The following CALML6 variants were observed in gnomAD, a reference collection of about 807,000 sequenced individuals.
CALML6 encodes the protein calmodulin-like protein 6.
Under a neutral mutation model 25.0 loss-of-function variants are expected in CALML6, and 27 were observed. The ratio of observed to expected loss-of-function variants is 1.08; its 90% confidence interval spans 0.80 to 1.49. CALML6 has a LOEUF of 1.49. Among genes scored for constraint, CALML6 ranks in the 40% most tolerant of loss-of-function variants. The probability of loss-of-function intolerance (pLI) is 0.00; values close to 1 mark genes in which losing one functional copy is unlikely to be tolerated. For missense variants in CALML6, 239 were observed against 232.7 expected (o/e 1.03, Z -0.18); for synonymous variants, 97 against 87.2 (o/e 1.11, Z -0.63).
rs767103412 is a variant in CALML6, at chr1:1,917,093, T to TG, written c.499+22dup. The TG allele has an allele frequency of 1.2e-6, 2 of 1,608,910 alleles. No homozygotes were observed. The highest frequency in any genetic ancestry group is 2.7e-5 in the African/African-American group (2 of 74,916). On this transcript the variant is annotated intron_variant, in intron 5 of 5. Coordinates refer to ENST00000307786, the MANE Select transcript of CALML6 (RefSeq NM_138705.4). ...TATGAGGGTGAGTGGCCTGGAGCCC[T>TG]GGGAGCCGTTGGCTGGGCCGGGGCA...
In CALML6 at chr1:1,916,999, C is replaced by A. The variant is rs1351836609; in HGVS notation, c.424C>A (p.Pro142Thr). 3.1e-6 allele frequency: 5 copies of A among 1,609,544 alleles called. 1 individual carries two copies. Among genetic ancestry groups the A allele is most frequent in the Non-Finnish European group, 4.2e-6 (5 of 1,177,466 alleles). The part of the protein sequence containing the change: ...LKYVLMNAGE[P>T]LNEVEAEQMM... ...GTACGTGCTAATGAACGCAGGGGAG[C>A]CCCTCAACGAGGTGGAGGCGGAGCA... is the stretch of plus-strand genomic sequence containing the variant. The change falls in exon 5 of 6, where the codon CCC becomes ACC. Residue 142 changes from proline (P) to threonine (T), a missense_variant. Physicochemically the swap from Pro to Thr is conservative, Grantham distance 38. This residue lies in a region of CALML6 where 231 missense variants were observed against 210.9 expected (regional missense o/e 1.10). Transcript: ENST00000307786.
chr1:1,916,531 G>T lies in CALML6; in HGVS notation c.169G>T (p.Glu57Ter). 1 of 1,611,292 alleles carries T rather than the reference G, an allele frequency of 6.2e-7. No homozygotes were observed. Among genetic ancestry groups the T allele is most frequent in the Non-Finnish European group, 8.5e-7 (1 of 1,178,968 alleles). Residue 57 changes from glutamate (E) to a stop codon, truncating the protein, a stop_gained, in exon 3 of 6, where the codon GAG (glutamate) becomes TAG (stop). Coordinates refer to ENST00000307786, the MANE Select transcript of CALML6 (RefSeq NM_138705.4). LOFTEE classifies it high-confidence loss of function. Reference protein sequence around the residue: ...EEGNGEVKTGELEWLMSLLGI... With the variant: ...EEGNGEVKTG Reference sequence around the variant, plus strand: ...GGGCAACGGGGAGGTGAAGACGGGGGAGCTGGAGTGGCTCATGAGCCTGCT... The same window carrying T: ...GGGCAACGGGGAGGTGAAGACGGGGTAGCTGGAGTGGCTCATGAGCCTGCT...
At chr1:1,915,439 C>T (rs951330903) in intron 1 of CALML6, 132 bp downstream of exon 1, 8 of 1,474,408 alleles carry the variant, frequency 5.4e-6, no homozygotes, top group Admixed American at 2.1e-5. Context: ...GAGGGTCCCG[C>T]CATGTCTCAG....
rs1009058222 is a variant in CALML6, at chr1:1,917,185, A to G, written c.538A>G (p.Ile180Val). Residue 180 changes from isoleucine (I) to valine (V), a missense_variant, in exon 6 of 6, where the codon ATC (isoleucine) becomes GTC (valine). By Grantham distance (29) the Ile-to-Val change is conservative (BLOSUM62 3). Coordinates refer to ENST00000307786, the MANE Select transcript of CALML6 (RefSeq NM_138705.4). ...GATGACGGGGGAGTCCTTCAAGCTG[A>G]TCCAGTAGGTGCAGCTGCCGCAGCC... is the stretch of plus-strand genomic sequence containing the variant. ...AMMTGESFKL[I>V]Q 1.2e-6 allele frequency: 2 copies of G among 1,602,834 alleles called. No homozygotes were observed. The highest frequency in any genetic ancestry group is 2.7e-5 in the African/African-American group (2 of 74,774).
chr1:1,916,297 G>C (rs1390570836), intron 2 of CALML6, 144 bp from the exon 3 acceptor site: 2 of 718,632 alleles, frequency 2.8e-6, no homozygotes, highest in African/African-American at 3.6e-5. Flanking sequence ...CTGGAAGCCT[G>C]CTCTCCGCTG....
chr1:1,916,663 G>A, intron 3 of CALML6, 48 bp downstream of exon 3: 1 of 1,605,104 alleles, frequency 6.2e-7, no homozygotes, highest in South Asian at 1.1e-5. Context: ...GGGGCCCTGG[G>A]TCAGGTGTCA....
At chr1:1,915,423 G>A (rs1011979275) in intron 1 of CALML6, 116 bp downstream of exon 1, 34 of 1,497,396 alleles carry the variant, frequency 2.3e-5, no homozygotes, top group African/African-American at 6.9e-5. Context: ...GGGGAACAGC[G>A]TGTGTGAGGG....
At position 1,915,793 on chromosome 1, in the gene CALML6, C is replaced by T. The variant is rs949463674; in HGVS notation, c.78+58C>T. 3.8e-6 allele frequency: 6 copies of T among 1,558,712 alleles called. No homozygotes were observed. The African/African-American group carries it at 6.8e-5, about 18-fold the overall frequency. ...TGGTGGGCTGGCTGGGTAGGTTGAG[C>T]TGGAACCTGGAGGTGCAATGACCTG... On this transcript the variant is annotated intron_variant, in intron 2 of 5. Coordinates refer to ENST00000307786, the MANE Select transcript of CALML6 (RefSeq NM_138705.4).
At position 1,916,881 on chromosome 1, in the gene CALML6, A is replaced by C; in HGVS notation, c.383A>C (p.Asp128Ala). 1 of 1,513,638 alleles carries C rather than the reference A, an allele frequency of 6.6e-7. No homozygotes were observed. Among genetic ancestry groups the C allele is most frequent in the Non-Finnish European group, 8.9e-7 (1 of 1,124,642 alleles). 93.8% of individuals were successfully genotyped at this position (1,513,638 alleles called of 1,614,324 possible). The change falls in exon 4 of 6, where the codon GAC (aspartate) becomes GCC (alanine). Residue 128 changes from aspartate to alanine, a missense_variant. Around this residue, in one of 2 missense-constraint regions of CALML6, gnomAD observed 231 missense variants for 210.9 expected, o/e 1.10. Transcript: ENST00000307786. ...GACAAAGAGGGCAAGGGCTACATTG[A>C]CTGGAACACACTCAAGTAGGGCCCG... Reference protein sequence around the residue: ...VFDKEGKGYIDWNTLKYVLMN... With the variant: ...VFDKEGKGYIAWNTLKYVLMN...
chr1:1,917,043 C>G lies in CALML6; in HGVS notation c.468C>G (p.Asp156Glu). The change falls in exon 5 of 6, where the codon GAC becomes GAG. Residue 156 changes from aspartate (D) to glutamate (E), a missense_variant. Coordinates refer to ENST00000307786, the MANE Select transcript of CALML6 (RefSeq NM_138705.4). ...VEAEQMMKEA[D>E]KDGDRTIDYE... ...CGGAGCAGATGATGAAGGAGGCCGA[C>G]AAGGATGGGGACAGGACCATCGACT... The G allele has an allele frequency of 6.2e-7, 1 of 1,610,050 alleles. No individual in the cohort carries two copies.
Position 1,916,770 on chromosome 1 carries a change from G to A in CALML6, c.272G>A (p.Cys91Tyr). The A allele has an allele frequency of 6.2e-7, 1 of 1,613,614 alleles. No individual in the cohort carries two copies. The highest frequency in any genetic ancestry group is 8.5e-7 in the Non-Finnish European group (1 of 1,180,030). ...CTTGCAGACAAAGGGTTCTTCAACT[G>A]CGATGGTTTCCTGGCACTAATGGGA... is the stretch of plus-strand genomic sequence containing the variant. ...VDRDNKGFFN[C>Y]DGFLALMGVY... is the part of the protein sequence containing the mutation. The change falls in exon 4 of 6, where the codon TGC becomes TAC. Residue 91 changes from cysteine to tyrosine, a missense_variant. Transcript: ENST00000307786.
Position 1,915,280 on chromosome 1 carries a change from G to T in CALML6, c.-1G>T. 2 of 1,558,362 alleles carry T rather than the reference G, an allele frequency of 1.3e-6. No homozygotes were observed. The highest frequency in any genetic ancestry group is 1.7e-6 in the Non-Finnish European group (2 of 1,151,046). On this transcript the variant is annotated 5_prime_UTR_variant, in exon 1 of 6. Transcript: ENST00000307786. Reference sequence around the variant, plus strand: ...GAGCCACTGAGCACCAGCTGGCCAGGATGGGTCTTCAACAAGAAATCTCAC... The same window carrying T: ...GAGCCACTGAGCACCAGCTGGCCAGTATGGGTCTTCAACAAGAAATCTCAC...
At chr1:1,915,419 C>T (rs1651075491) in intron 1 of CALML6, 112 bp downstream of exon 1, 3 of 1,513,160 alleles carry the variant, frequency 2.0e-6, no homozygotes, top group African/African-American at 1.4e-5. Context: ...GCACGGGGAA[C>T]AGCGTGTGTG....
At chr1:1,916,717 C>T (rs779623102) in intron 3 of CALML6, 35 bp from the exon 4 acceptor site, 1 of 1,612,592 alleles carries the variant, frequency 6.2e-7, no homozygotes, top group South Asian at 1.1e-5. Context: ...GAGTGCTGTG[C>T]CCCATCCCTT....
In CALML6 at chr1:1,916,436, T is replaced by A. The variant is rs759067429; in HGVS notation, c.79-5T>A. The A allele has an allele frequency of 1.3e-6, 2 of 1,521,120 alleles. No individual in the cohort carries two copies. Among genetic ancestry groups the A allele is most frequent in the Non-Finnish European group, 1.8e-6 (2 of 1,130,052 alleles). The allele number at this position is 1,521,120 out of a possible 1,614,324, so 94.2% of individuals were successfully genotyped here. A position where few individuals can be genotyped will look rare whatever the true frequency, so the allele number is the denominator to read the frequency against. On this transcript the variant is annotated splice_polypyrimidine_tract_variant and splice_region_variant and intron_variant, in intron 2 of 5. Coordinates refer to ENST00000307786, the MANE Select transcript of CALML6 (RefSeq NM_138705.4). ...TGGTCAGGCCGGTGCGGGTGTCCCC[T>A]GCAGACAGAGCGCCTGTCGGCTGAG...
intron 2 of CALML6, chr1:1,916,091 A>C (rs886899313): frequency 2.3e-6 from 1 of 428,618 alleles, no homozygotes; most frequent in South Asian, 3.2e-5. Flanking sequence ...GCTCCTCCCC[A>C]CCCTGCTCTC....
chr1:1,915,942 G>A, intron 2 of CALML6: 1 of 609,386 alleles, frequency 1.6e-6, no homozygotes. Context: ...TCCCAGATGG[G>A]CAGCAGCAGT....
chr1:1,915,311 A>T lies in CALML6; in HGVS notation c.27+4A>T. ...TCTTCAACAAGAAATCTCACTGGTA[A>T]GTGATGACAGCATGGGACCAGGGTC... On this transcript the variant is annotated splice_donor_region_variant and intron_variant, in intron 1 of 5. Coordinates refer to ENST00000307786, the MANE Select transcript of CALML6 (RefSeq NM_138705.4). 1 of 1,554,952 alleles carries T rather than the reference A, an allele frequency of 6.4e-7. No homozygotes were observed. The highest frequency in any genetic ancestry group is 1.4e-5 in the African/African-American group (1 of 73,470).
intron 1 of CALML6, 172 bp downstream of exon 1, chr1:1,915,479 G>A (rs553598359): frequency 1.5e-5 from 21 of 1,361,610 alleles, no homozygotes; most frequent in East Asian, 1.3e-4. Flanking sequence ...CTTAGCCTTC[G>A]GTGCCCATCT....
Sources: gnomAD v4.1 joint callset for allele counts on GRCh38, gnomAD v4.1.1 for gene constraint, gnomAD v4.1.1 regional missense constraint, MANE v1.5 for transcripts, NCBI Gene and HGNC (gene_info 2026-07-23, HGNC 2026-07-21) for gene names.